The following OPRM1 variants were observed in gnomAD, a reference collection of about 807,000 sequenced individuals.
OPRM1 encodes opioid receptor mu 1.
In OPRM1, 27 loss-of-function variants were observed where a neutral mutation model predicts 31.8. That is an observed-to-expected ratio of 0.85 (90% CI 0.63 to 1.17). The LOEUF is 1.17. Ranked by LOEUF, OPRM1 falls within the 50% of genes most tolerant of loss-of-function variation. The pLI is 0.00. For synonymous variants in OPRM1, 196 were observed against 189.9 expected (o/e 1.03, Z -0.26); for missense variants, 536 against 511.1 (o/e 1.05, Z -0.47).
At chr6:154,246,525 C>G in intron 3 of OPRM1, 1 of 1,488,164 alleles carries the variant, frequency 6.7e-7, no homozygotes, top group Non-Finnish European at 9.1e-7. Context: ...CCATAGGGAT[C>G]ACCTGATGCC....
At chr6:154,146,996 C>T (rs1459422615) in intron 3 of OPRM1, among the ~76,000 whole-genome samples, 2 of 152,190 alleles carry the variant, frequency 1.3e-5, no homozygotes, top group East Asian at 1.9e-4. Flanking sequence ...CATTGCACCA[C>T]AGAGCTGGTT....
chr6:154,246,528 C>A (rs1385934385), intron 3 of OPRM1: 32 of 1,516,034 alleles, frequency 2.1e-5, no homozygotes, highest in Non-Finnish European at 2.2e-5. Context: ...TAGGGATCAC[C>A]TGATGCCTTT....
At chr6:154,155,795 A>G (rs2128543641) in intron 3 of OPRM1, 1 of 152,382 alleles carries the variant, frequency 6.6e-6, no homozygotes, top group African/African-American at 2.4e-5. Context: ...AAGAAAAAAA[A>G]AAGTATTTCT....
At chr6:154,204,479 T>C (rs1361537175) in intron 3 of OPRM1, among the ~76,000 whole-genome samples, 1 of 152,208 alleles carries the variant, frequency 6.6e-6, no homozygotes. Flanking sequence ...AGTCAATTGT[T>C]GTTAAGCCCC....
chr6:154,201,755 C>T (rs1777089287), intron 3 of OPRM1, among the ~76,000 whole-genome samples: 1 of 152,154 alleles, frequency 6.6e-6, no homozygotes, highest in African/African-American at 2.4e-5. Flanking sequence ...ATTAGCAGGA[C>T]ATGGTGGCTC....
intron 3 of OPRM1, among the ~76,000 whole-genome samples, chr6:154,096,097 G>C (rs1044744969): frequency 6.6e-6 from 1 of 152,068 alleles, no homozygotes; most frequent in Non-Finnish European, 1.5e-5. Context: ...TTACTCTGTC[G>C]CCCAGGCTGG....
At chr6:154,229,339 T>C (rs560874684) in intron 3 of OPRM1, among the ~76,000 whole-genome samples, 3 of 146,916 alleles carry the variant, frequency 2.0e-5, no homozygotes, top group Non-Finnish European at 3.0e-5. Flanking sequence ...TGTGGAAAAG[T>C]TTGCCGGTTT....
intron 3 of OPRM1, among the ~76,000 whole-genome samples, chr6:154,169,298 T>C (rs931929182): frequency 6.6e-6 from 1 of 151,842 alleles, no homozygotes; most frequent in Non-Finnish European, 1.5e-5. Flanking sequence ...GAGGTGGAGG[T>C]TGCAGTGAGC....
chr6:154,228,062 C>T (rs1036440891), intron 3 of OPRM1, among the ~76,000 whole-genome samples: 2 of 152,146 alleles, frequency 1.3e-5, no homozygotes, highest in African/African-American at 4.8e-5. Context: ...TCTCTTCCTC[C>T]TCCTTTTCCT....
intron 1 of OPRM1, among the ~76,000 whole-genome samples, chr6:154,021,085 T>G (rs1239888102): frequency 6.6e-6 from 1 of 152,236 alleles, no homozygotes; most frequent in Admixed American, 6.5e-5. Flanking sequence ...AGGAGTTTTA[T>G]AGTTTAGCAT....
chr6:154,160,001 C>A (rs987473975), intron 3 of OPRM1: 1 of 1,612,420 alleles, frequency 6.2e-7, no homozygotes, highest in African/African-American at 1.3e-5. Flanking sequence ...TTCGGGTCAT[C>A]CAGCAACTGG....
chr6:154,183,200 C>A (rs572578416), intron 3 of OPRM1, among the ~76,000 whole-genome samples: 18 of 152,094 alleles, frequency 1.2e-4, no homozygotes, highest in African/African-American at 4.1e-4. Flanking sequence ...AGGATGGTCT[C>A]GATCTCCTGA....
chr6:154,193,885 C>A (rs1338359272), intron 3 of OPRM1, among the ~76,000 whole-genome samples: 1 of 152,132 alleles, frequency 6.6e-6, no homozygotes, highest in African/African-American at 2.4e-5. Flanking sequence ...ACAAAAAGTG[C>A]TCAAAAAACT....
intron 3 of OPRM1, among the ~76,000 whole-genome samples, chr6:154,208,566 A>T (rs1257209572): frequency 6.6e-6 from 1 of 152,224 alleles, no homozygotes; most frequent in East Asian, 1.9e-4. Flanking sequence ...ATCACAGTCC[A>T]CTTTATTCAC....
chr6:154,069,331 C>A (rs1786141911), intron 1 of OPRM1, among the ~76,000 whole-genome samples: 1 of 152,162 alleles, frequency 6.6e-6, no homozygotes, highest in Admixed American at 6.5e-5. Flanking sequence ...CTCCACCTCC[C>A]AGGTTCAAGT....
intron 3 of OPRM1, among the ~76,000 whole-genome samples, chr6:154,200,800 A>G (rs1444250070): frequency 1.3e-5 from 2 of 151,980 alleles, no homozygotes; most frequent in African/African-American, 4.8e-5. Flanking sequence ...TCGCTCACAT[A>G]CTCCTTAGTG....
chr6:154,206,975 A>C (rs1469579943), intron 3 of OPRM1, among the ~76,000 whole-genome samples: 1 of 152,250 alleles, frequency 6.6e-6, no homozygotes, highest in African/African-American at 2.4e-5. Context: ...AAGCAATGAG[A>C]ATTCACTGGA....
chr6:154,241,009 G>T (rs375494306), intron 3 of OPRM1, among the ~76,000 whole-genome samples: 242 of 152,122 alleles, frequency 1.6e-3, no homozygotes, highest in African/African-American at 5.7e-3. Flanking sequence ...AGACTGAGGC[G>T]GGCAAATCAT....
At chr6:154,056,038 A>G (rs1783206994) in intron 1 of OPRM1, among the ~76,000 whole-genome samples, 1 of 152,252 alleles carries the variant, frequency 6.6e-6, no homozygotes, top group South Asian at 2.1e-4. Flanking sequence ...ATAAAGAGTC[A>G]TCCTGACCCC....
Sources: gnomAD v4.1 joint callset for allele counts (sites outside exome capture counted in the v4.1 genomes callset) on GRCh38, gnomAD v4.1.1 for gene constraint, MANE v1.5 for transcripts, NCBI Gene and HGNC (gene_info 2026-07-23, HGNC 2026-07-21) for gene names.